DMD: variants seen among roughly 807,000 people sequenced by gnomAD.
DMD encodes the protein dystrophin.
DMD carries 63 observed loss-of-function variants against 330.1 expected under a neutral mutation model. The observed-to-expected ratio is 0.19, with a 90% confidence interval of 0.16 to 0.24. The LOEUF is 0.24. Ranked by LOEUF, DMD falls within the 10% of genes least tolerant of loss-of-function variation. The pLI, the probability that DMD is intolerant of heterozygous loss-of-function variation, is 1.00. For synonymous variants in DMD, 1,223 were observed against 959.8 expected, an observed-to-expected ratio of 1.27 and a Z score of -5.07; for missense variants, 3,344 against 2,684.1, an observed-to-expected ratio of 1.25 and a Z score of -5.43.
chrX:33,150,007 A>G (rs781542741), intron 1 of DMD, among the ~76,000 whole-genome samples: 1 of 111,976 alleles, frequency 8.9e-6, no homozygotes, highest in Non-Finnish European at 1.9e-5. Flanking sequence ...ATGATCTAAT[A>G]TAATTATATA....
At chrX:31,487,653 T>C (rs1442809322) in intron 57 of DMD, among the ~76,000 whole-genome samples, 1 of 111,588 alleles carries the variant, frequency 9.0e-6, no homozygotes, top group Non-Finnish European at 1.9e-5. Context: ...GCAACCATTT[T>C]TCTACTCTCT....
At chrX:32,635,367 T>A (rs1393104229) in intron 11 of DMD, among the ~76,000 whole-genome samples, 1 of 111,742 alleles carries the variant, frequency 8.9e-6, no homozygotes, top group East Asian at 2.8e-4. Flanking sequence ...GGACAGTTGT[T>A]CAATTTGATG....
intron 1 of DMD, among the ~76,000 whole-genome samples, chrX:33,030,966 A>G (rs1440723215): frequency 8.9e-6 from 1 of 111,740 alleles, no homozygotes; most frequent in African/African-American, 3.3e-5. Flanking sequence ...GGCCTGGATT[A>G]TAAGGGGATA....
intron 35 of DMD, 134 bp downstream of exon 35, chrX:32,364,880 ATATTGT>A (rs1259957372): frequency 2.7e-6 from 2 of 730,854 alleles, no homozygotes; most frequent in Admixed American, 3.7e-5. Context: ...ATATATTAAA[ATATTGT>A]TATAGATATT....
chrX:32,288,078 A>G (rs1166655624), intron 42 of DMD, among the ~76,000 whole-genome samples: 1 of 110,789 alleles, frequency 9.0e-6, no homozygotes, highest in Non-Finnish European at 1.9e-5. Context: ...TGTTCTCATA[A>G]TTTTAAATAT....
At chrX:32,643,418 T>G (rs978235572) in intron 11 of DMD, among the ~76,000 whole-genome samples, 1 of 110,359 alleles carries the variant, frequency 9.1e-6, no homozygotes, top group South Asian at 3.9e-4. Flanking sequence ...TTTCACTTAA[T>G]GTATTCAAAT....
chrX:33,285,472 A>G (rs753167548), intron 1 of DMD, among the ~76,000 whole-genome samples: 1 of 112,089 alleles, frequency 8.9e-6, no homozygotes, highest in South Asian at 3.7e-4. Context: ...GGATTTTGAA[A>G]CTTGGAGGAT....
chrX:32,201,839 T>C (rs780132064), intron 44 of DMD, among the ~76,000 whole-genome samples: 2 of 111,027 alleles, frequency 1.8e-5, no homozygotes, highest in South Asian at 7.7e-4. Context: ...AGTGCAATGA[T>C]ACAATTAGAC....
intron 44 of DMD, among the ~76,000 whole-genome samples, chrX:32,072,431 A>G (rs1364753457): frequency 1.9e-5 from 2 of 106,350 alleles, no homozygotes; most frequent in African/African-American, 6.8e-5. Context: ...CTATTTGGGA[A>G]AAAAAAAAAT....
chrX:32,344,676 C>T (rs1252356637), intron 39 of DMD, among the ~76,000 whole-genome samples: 4 of 111,037 alleles, frequency 3.6e-5, no homozygotes, highest in African/African-American at 9.8e-5. Flanking sequence ...TCTTTCATTT[C>T]CTAAGCACAA....
At chrX:33,312,782 C>T (rs2053869553) in intron 1 of DMD, among the ~76,000 whole-genome samples, 1 of 110,878 alleles carries the variant, frequency 9.0e-6, no homozygotes, top group Non-Finnish European at 1.9e-5. Context: ...ATTATTGATC[C>T]ATTAACATTC....
intron 50 of DMD, among the ~76,000 whole-genome samples, chrX:31,777,865 T>G (rs2090766817): frequency 8.9e-6 from 1 of 111,849 alleles, no homozygotes; most frequent in Non-Finnish European, 1.9e-5. Context: ...ACACAATGGT[T>G]ATTGGCTCCT....
chrX:31,812,149 A>C (rs2092477610), intron 50 of DMD, among the ~76,000 whole-genome samples: 1 of 110,050 alleles, frequency 9.1e-6, no homozygotes, highest in Admixed American at 9.8e-5. Context: ...GTATTATTGA[A>C]ATGGAAATGG....
intron 7 of DMD, among the ~76,000 whole-genome samples, chrX:32,799,868 C>T (rs1387450848): frequency 3.6e-5 from 4 of 111,108 alleles, no homozygotes; most frequent in Non-Finnish European, 7.5e-5. Context: ...CTCCTGAAAT[C>T]GCTTATGCTA....
At chrX:32,795,741 C>T (rs371150931) in intron 7 of DMD, among the ~76,000 whole-genome samples, 4 of 111,370 alleles carry the variant, frequency 3.6e-5, no homozygotes, top group South Asian at 3.7e-4. Context: ...CTAGGAAATA[C>T]GAGGATCCCA....
At chrX:32,633,133 A>G (rs966807904) in intron 11 of DMD, among the ~76,000 whole-genome samples, 3 of 112,428 alleles carry the variant, frequency 2.7e-5, no homozygotes, top group African/African-American at 9.7e-5. Flanking sequence ...ACAATAAAAT[A>G]AAATAATAAA....
chrX:32,567,559 C>G (rs972748635), intron 15 of DMD, among the ~76,000 whole-genome samples: 1 of 111,424 alleles, frequency 9.0e-6, no homozygotes, highest in African/African-American at 3.3e-5. Context: ...CTAAGCCCAG[C>G]TAATTTTTAA....
intron 7 of DMD, among the ~76,000 whole-genome samples, chrX:32,705,616 C>A (rs965379878): frequency 6.3e-5 from 7 of 111,372 alleles, no homozygotes; most frequent in Non-Finnish European, 9.4e-5. Context: ...GAATTTGACA[C>A]CAGCCTGGCC....
chrX:32,688,939 A>G (rs1473969034), intron 9 of DMD, among the ~76,000 whole-genome samples: 4 of 105,092 alleles, frequency 3.8e-5, no homozygotes, highest in Non-Finnish European at 7.6e-5. Context: ...TAACATTCCC[A>G]CACTATTCAA....
Sources: allele counts gnomAD v4.1 joint callset (sites outside exome capture counted in the v4.1 genomes callset), GRCh38; gene constraint gnomAD v4.1.1; transcripts MANE v1.5; gene names NCBI Gene and HGNC (gene_info 2026-07-23, HGNC 2026-07-21).